The following SHPRH variants were observed in gnomAD, a reference collection of about 807,000 sequenced individuals.
SHPRH encodes the protein SNF2 histone linker PHD RING helicase, also known as E3 ubiquitin-protein ligase SHPRH.
SHPRH carries 106 observed loss-of-function variants against 202.5 expected under a neutral mutation model. The ratio of observed to expected loss-of-function variants is 0.52; its 90% confidence interval spans 0.45 to 0.62. The LOEUF (loss-of-function observed/expected upper bound fraction) is 0.62. Ranked by LOEUF, SHPRH falls within the 20% of genes least tolerant of loss-of-function variation. The pLI is 0.00. For synonymous variants in SHPRH, 729 were observed against 686.0 expected (o/e 1.06, Z -0.98); for missense variants, 1,710 against 2,020.0 (o/e 0.85, Z 2.94).
In SHPRH at chr6:145,886,558, G is replaced by T; in HGVS notation, c.*133C>A. 1.4e-6 allele frequency: 2 copies of T among 1,472,276 alleles called. No individual in the cohort carries two copies. Among genetic ancestry groups the T allele is most frequent in the Non-Finnish European group, 1.8e-6 (2 of 1,097,166 alleles). 91.2% of individuals were successfully genotyped at this position (1,472,276 alleles called of 1,614,324 possible). ...TAAGTACTAAGCCACTGTATAACCA[G>T]AACAATAAACAAATTCATTCAACTA... On this transcript the variant is annotated 3_prime_UTR_variant, in exon 30 of 30. Transcript: ENST00000275233.
intron 24 of SHPRH, among the ~76,000 whole-genome samples, chr6:145,912,256 A>T (rs1430620716): frequency 1.3e-5 from 2 of 151,384 alleles, no homozygotes; most frequent in Non-Finnish European, 2.9e-5. Context: ...AGAACTGGGG[A>T]TCCAAAAAGG....
At chr6:145,901,842 T>C (rs935766046) in intron 25 of SHPRH, among the ~76,000 whole-genome samples, 3 of 152,116 alleles carry the variant, frequency 2.0e-5, no homozygotes, top group Non-Finnish European at 2.9e-5. Context: ...ATCCTAACTT[T>C]GTGCTTATTG....
intron 11 of SHPRH, among the ~76,000 whole-genome samples, chr6:145,938,422 A>C (rs1322870395): frequency 6.6e-6 from 1 of 152,320 alleles, no homozygotes; most frequent in Middle Eastern, 3.4e-3. Flanking sequence ...GTATCCTAAC[A>C]GCAAAAATCT....
intron 4 of SHPRH, among the ~76,000 whole-genome samples, chr6:145,949,032 A>T (rs1454306079): frequency 6.6e-6 from 1 of 152,050 alleles, no homozygotes; most frequent in Non-Finnish European, 1.5e-5. Context: ...TATATTCTAG[A>T]ATAAAATGGC....
At chr6:145,923,912 CAG>C (rs1466676753) in intron 17 of SHPRH, 127 bp from the exon 18 acceptor site, 25 of 897,868 alleles carry the variant, frequency 2.8e-5, no homozygotes, top group Non-Finnish European at 3.9e-5. Context: ...GGGACTATCA[CAG>C]AGGGGAGACG....
At chr6:145,947,906 T>C (rs1787566642) in intron 5 of SHPRH, among the ~76,000 whole-genome samples, 2 of 152,110 alleles carry the variant, frequency 1.3e-5, no homozygotes, top group South Asian at 2.1e-4. Flanking sequence ...CTATGACCTT[T>C]ATGAATCTAT....
In SHPRH at chr6:145,948,456, T is replaced by C. The variant is rs79776692; in HGVS notation, c.983-106A>G. On this transcript the variant is annotated intron_variant, in intron 4 of 29. Transcript: ENST00000275233. ...CAGTGAGGATACTCTGGCATAGTGA[T>C]ACCCATATTCTTGTGAAATCTCATT... is the stretch of plus-strand genomic sequence containing the variant. The C allele has an allele frequency of 5.7e-4, 416 of 728,418 alleles. 4 individuals are homozygous for C. The East Asian group carries it at 0.012, about 21-fold the overall frequency. The allele number at this position is 728,418 out of a possible 1,614,324, so 45.1% of individuals were successfully genotyped here. A position where few individuals can be genotyped will look rare whatever the true frequency, so the allele number is the denominator to read the frequency against.
At position 145,927,182 on chromosome 6, in the gene SHPRH, T is replaced by C. The variant is rs762888060; in HGVS notation, c.3201+7A>G. 17 of 1,610,092 alleles carry C rather than the reference T, an allele frequency of 1.1e-5. No individual in the cohort carries two copies. The Admixed American group carries it at 1.7e-4, about 16-fold the overall frequency. ...AATACCTATGAAACTGTTTAGTCTT[T>C]ACTTACTTGAAGTGAATCAGTTTTG... On this transcript the variant is annotated splice_region_variant and intron_variant, in intron 15 of 29. Transcript: ENST00000275233.
intron 25 of SHPRH, chr6:145,905,562 C>T (rs1455794174): frequency 6.6e-6 from 1 of 152,092 alleles, no homozygotes; most frequent in Non-Finnish European, 1.5e-5. Context: ...ATACACACAT[C>T]CTCCTGTATA....
chr6:145,894,194 TGTCA>T lies in SHPRH; in HGVS notation c.4647_4650del (p.Asp1550ThrfsTer41), dbSNP rs2128716646. 5 of 1,606,242 alleles carry T rather than the reference TGTCA, an allele frequency of 3.1e-6. No individual in the cohort carries two copies. Among genetic ancestry groups the T allele is most frequent in the Non-Finnish European group, 4.2e-6 (5 of 1,176,864 alleles). ...CTGATTTGTGCAAATTCCATGTTGT[TGTCA>T]GTAAGAGCTTTTGAAATAATATCTA... On this transcript the variant is annotated frameshift_variant, in exon 27 of 30. Coordinates refer to ENST00000275233, the MANE Select transcript of SHPRH (RefSeq NM_001042683.3). LOFTEE classifies it high-confidence loss of function.
At chr6:145,944,526 C>T (rs1787157346) in intron 8 of SHPRH, among the ~76,000 whole-genome samples, 1 of 152,068 alleles carries the variant, frequency 6.6e-6, no homozygotes, top group African/African-American at 2.4e-5. Context: ...TAAGACACAA[C>T]ATGTAATCAA....
At chr6:145,954,303 T>C (rs1185003446) in intron 2 of SHPRH, among the ~76,000 whole-genome samples, 1 of 152,002 alleles carries the variant, frequency 6.6e-6, no homozygotes, top group Non-Finnish European at 1.5e-5. Context: ...GTGTGCCAGA[T>C]TAGAAAGATT....
chr6:145,902,830 A>G (rs920936573), intron 25 of SHPRH, among the ~76,000 whole-genome samples: 10 of 152,118 alleles, frequency 6.6e-5, no homozygotes, highest in Non-Finnish European at 1.5e-4. Context: ...CATACAAAAT[A>G]GTGAATAAAA....
intron 10 of SHPRH, among the ~76,000 whole-genome samples, chr6:145,941,170 A>G (rs911119907): frequency 6.6e-6 from 1 of 152,220 alleles, no homozygotes; most frequent in Non-Finnish European, 1.5e-5. Context: ...CAAAGACAAC[A>G]GAATAAAGAC....
At chr6:145,874,174 G>A (rs1014483879) in intron 2 of SHPRH, among the ~76,000 whole-genome samples, 8 of 150,744 alleles carry the variant, frequency 5.3e-5, no homozygotes, top group Non-Finnish European at 1.0e-4. Flanking sequence ...CTCCAGTCTG[G>A]GCAACAAGAG....
intron 25 of SHPRH, among the ~76,000 whole-genome samples, chr6:145,900,777 C>A (rs1782432976): frequency 6.6e-6 from 1 of 152,056 alleles, no homozygotes; most frequent in African/African-American, 2.4e-5. Context: ...ATACTGAATA[C>A]AATGTAAATC....
At chr6:145,868,159 C>T (rs1207739523) in intron 2 of SHPRH, among the ~76,000 whole-genome samples, 1 of 152,132 alleles carries the variant, frequency 6.6e-6, no homozygotes, top group Non-Finnish European at 1.5e-5. Context: ...TCCCTCTGTA[C>T]CTGTCTGTGT....
intron 25 of SHPRH, chr6:145,907,646 A>C (rs1242967926): frequency 6.6e-6 from 1 of 152,112 alleles, no homozygotes; most frequent in East Asian, 1.9e-4. Context: ...TTTTCCATGC[A>C]CTGGCTCTCT....
Position 145,945,386 on chromosome 6 carries a change from T to C in SHPRH, c.1573A>G (p.Lys525Glu), listed in dbSNP as rs1787259031. 1 of 1,608,658 alleles carries C rather than the reference T, an allele frequency of 6.2e-7. No individual in the cohort carries two copies. Among genetic ancestry groups the C allele is most frequent in the Admixed American group, 1.7e-5 (1 of 59,008 alleles). The change falls in exon 8 of 30, where the codon AAG becomes GAG. Residue 525 changes from lysine (K) to glutamate (E), a missense_variant. Coordinates refer to ENST00000275233, the MANE Select transcript of SHPRH (RefSeq NM_001042683.3). The part of the protein sequence containing the change: ...KEEDICDKTK[K>E]QAVGSPRKIQ... ...CTGAACTTAAGCTCTGTTACCTGCT[T>C]TTTTGTTTTATCACATATATCCTCT... is the stretch of plus-strand genomic sequence containing the variant.
Sources: gnomAD v4.1 joint callset for allele counts (sites outside exome capture counted in the v4.1 genomes callset) on GRCh38, gnomAD v4.1.1 for gene constraint, MANE v1.5 for transcripts, NCBI Gene and HGNC (gene_info 2026-07-23, HGNC 2026-07-21) for gene names.